KIAA0513: variants seen among roughly 807,000 people sequenced by gnomAD.
The protein encoded by KIAA0513 is uncharacterized protein KIAA0513.
In KIAA0513, 39 loss-of-function variants were observed where a neutral mutation model predicts 56.5. The observed-to-expected ratio is 0.69, with a 90% CI of 0.53 to 0.90. The LOEUF is 0.90. Among genes scored for constraint, KIAA0513 ranks in the 40% least tolerant of loss-of-function variants. The probability of loss-of-function intolerance (pLI) is 0.00; values close to 1 mark genes in which losing one functional copy is unlikely to be tolerated. For missense variants in KIAA0513, 591 were observed against 535.2 expected, an observed-to-expected ratio of 1.10 and a Z score of -1.03; for synonymous variants, 268 against 215.6, an observed-to-expected ratio of 1.24 and a Z score of -2.13.
intron 3 of KIAA0513, 46 bp downstream of exon 3, chr16:85,071,928 G>A (rs1013083149): frequency 8.0e-7 from 1 of 1,247,786 alleles, no homozygotes; most frequent in Non-Finnish European, 1.2e-6. Flanking sequence ...TCTCAAGGAA[G>A]AATCTAGTGA....
At chr16:85,064,741 A>G (rs1305937999) in intron 1 of KIAA0513, among the ~76,000 whole-genome samples, 1 of 152,092 alleles carries the variant, frequency 6.6e-6, no homozygotes, top group Non-Finnish European at 1.5e-5. Context: ...GCTGGAGTGC[A>G]ATGGCACCAT....
chr16:85,047,540 C>T (rs998948546), intron 1 of KIAA0513, among the ~76,000 whole-genome samples: 6 of 152,314 alleles, frequency 3.9e-5, no homozygotes, highest in East Asian at 1.9e-4. Context: ...TTTGGACCAC[C>T]GTTCCTCCAG....
chr16:85,087,209 G>C (rs79036243), intron 12 of KIAA0513, 43 bp downstream of exon 12: 24,610 of 1,520,448 alleles, frequency 0.016, 386 homozygotes, highest in East Asian at 0.055. Context: ...GGCAGGGCTG[G>C]GGTCAGGAGC....
intron 1 of KIAA0513, among the ~76,000 whole-genome samples, chr16:85,043,001 A>G (rs538877195): frequency 1.1e-4 from 16 of 152,370 alleles, no homozygotes; most frequent in Admixed American, 3.3e-4. Flanking sequence ...GGTGGAATAA[A>G]CATCTTTATT....
rs1241775989 is a variant in KIAA0513, at chr16:85,081,701, G to C, written c.980+309G>C. Among the ~76,000 whole-genome samples, 1 of 152,166 alleles carries C rather than the reference G, an allele frequency of 6.6e-6. No homozygotes were observed. The highest frequency in any genetic ancestry group is 1.5e-5 in the Non-Finnish European group (1 of 68,024). On this transcript the variant is annotated intron_variant, in intron 9 of 12. Transcript: ENST00000683363. The surrounding 1 kb of genome is among the most constrained non-coding windows in gnomAD (Gnocchi z 4.4). ...TGCTGGGCCCACCCTGCTGTTTGCT[G>C]GACAAAATCAGCATCCTGAGGATGA...
At position 85,072,002 on chromosome 16, in the gene KIAA0513, C is replaced by A. The variant is rs962998940; in HGVS notation, c.429+120C>A. The A allele has an allele frequency of 7.9e-5, 55 of 696,240 alleles. No individual in the cohort carries two copies. The Middle Eastern group carries it at 3.4e-3, about 43-fold the overall frequency. 43.1% of individuals were successfully genotyped at this position (696,240 alleles called of 1,614,324 possible). Reference sequence around the variant, plus strand: ...GGAGAAAAGAGTCAAGGGAAAGGACCCAACAGTAAAAAAAGTAAAACTTAT... The same window carrying A: ...GGAGAAAAGAGTCAAGGGAAAGGACACAACAGTAAAAAAAGTAAAACTTAT... On this transcript the variant is annotated intron_variant, in intron 3 of 12. Transcript: ENST00000683363.
intron 1 of KIAA0513, among the ~76,000 whole-genome samples, chr16:85,038,459 A>C (rs1345711652): frequency 6.6e-6 from 1 of 151,984 alleles, no homozygotes; most frequent in Non-Finnish European, 1.5e-5. Flanking sequence ...GTAATCCCAG[A>C]AGTTTGGGAG....
chr16:85,061,156 C>CA lies in KIAA0513; in HGVS notation c.-172-5730dup, dbSNP rs71386073. 6.3e-3 allele frequency among the ~76,000 whole-genome samples: 685 copies of CA among 109,056 alleles called. 1 individual carries two copies. Among genetic ancestry groups the CA allele is most frequent in the African/African-American group, 0.013 (375 of 29,094 alleles). The allele number at this position is 109,056 out of a possible 152,430, so 71.5% of individuals were successfully genotyped here. ...TGGGCGACAGAGTGAGTCTCCGTCT[C>CA]AAAAAAAAAAAAAAGAAAGAAAAGT... On this transcript the variant is annotated intron_variant, in intron 1 of 12. Transcript: ENST00000683363.
intron 1 of KIAA0513, among the ~76,000 whole-genome samples, chr16:85,032,530 G>A (rs935506417): frequency 6.6e-5 from 10 of 151,864 alleles, no homozygotes; most frequent in Non-Finnish European, 1.3e-4. Flanking sequence ...ATGGGGTTTC[G>A]CCATGTTGGC....
At chr16:85,048,872 A>G (rs757397714) in intron 1 of KIAA0513, among the ~76,000 whole-genome samples, 2 of 152,146 alleles carry the variant, frequency 1.3e-5, no homozygotes, top group Non-Finnish European at 2.9e-5. Flanking sequence ...CAATCTTCCG[A>G]TTTCTCCACA....
chr16:85,058,757 C>T (rs2073364592), intron 1 of KIAA0513, among the ~76,000 whole-genome samples: 1 of 152,118 alleles, frequency 6.6e-6, no homozygotes, highest in African/African-American at 2.4e-5. Context: ...TGTTAGAGAC[C>T]TTGTCATCAC....
At position 85,089,821 on chromosome 16, in the gene KIAA0513, C is replaced by T. The variant is rs1422428516; in HGVS notation, c.*1496C>T. 1 of 152,144 alleles carries T rather than the reference C, an allele frequency of 6.6e-6. No individual in the cohort carries two copies. Among genetic ancestry groups the T allele is most frequent in the African/African-American group, 2.4e-5 (1 of 41,422 alleles). The allele number at this position is 152,144 out of a possible 1,614,324, so 9.4% of individuals were successfully genotyped here. A position where few individuals can be genotyped will look rare whatever the true frequency, so the allele number is the denominator to read the frequency against. Reference sequence around the variant, plus strand: ...TGGAATGTTCCAGAGACGGAACATTCTCTAGAGACAACAGTCTGTGCTGCA... The same window carrying T: ...TGGAATGTTCCAGAGACGGAACATTTTCTAGAGACAACAGTCTGTGCTGCA... On this transcript the variant is annotated 3_prime_UTR_variant, in exon 13 of 13. Coordinates refer to ENST00000683363, the MANE Select transcript of KIAA0513 (RefSeq NM_001388359.1). This position sits in a 1 kb window ranked among gnomAD's most constrained non-coding sequence, Gnocchi z 4.2.
intron 8 of KIAA0513, among the ~76,000 whole-genome samples, chr16:85,080,369 G>A (rs925652319): frequency 2.0e-5 from 3 of 152,198 alleles, no homozygotes; most frequent in African/African-American, 4.8e-5. Context: ...CTGTTGTAGC[G>A]TGAACACCAC....
chr16:85,060,290 A>C (rs2073385625), intron 1 of KIAA0513, among the ~76,000 whole-genome samples: 1 of 152,092 alleles, frequency 6.6e-6, no homozygotes, highest in Admixed American at 6.5e-5. Context: ...TGGAGCTGAG[A>C]CTCAAGGACG....
chr16:85,067,141 C>A lies in KIAA0513; in HGVS notation c.70C>A (p.Leu24Met). ...GCCTGAGGCACCCACCTCTTCTCCC[C>A]TGGAGGCACCACCCCCTGTGCTGCA... ...FGPEAPTSSP[L>M]EAPPPVLQDG... The change falls in exon 2 of 13, where the codon CTG (leucine) becomes ATG (methionine). Residue 24 changes from leucine to methionine, a missense_variant. Leu to Met is a conservative substitution (Grantham distance 15). Transcript: ENST00000683363. The A allele has an allele frequency of 1.2e-6, 2 of 1,613,896 alleles. No individual in the cohort carries two copies. The highest frequency in any genetic ancestry group is 1.7e-6 in the Non-Finnish European group (2 of 1,179,874).
chr16:85,077,810 C>T (rs117831851), intron 6 of KIAA0513, among the ~76,000 whole-genome samples, 178 bp downstream of exon 6: 2 of 152,164 alleles, frequency 1.3e-5, no homozygotes, highest in African/African-American at 2.4e-5. Context: ...AAGCCCCCCC[C>T]ACTGACATGC....
intron 1 of KIAA0513, among the ~76,000 whole-genome samples, chr16:85,030,121 C>T (rs779325140): frequency 2.6e-5 from 4 of 152,222 alleles, no homozygotes; most frequent in Non-Finnish European, 5.9e-5. Flanking sequence ...GAGTCTGCCG[C>T]AGCACCCCTG....
At chr16:85,073,109 G>A (rs1361518400) in intron 4 of KIAA0513, 111 bp downstream of exon 4, 3 of 900,472 alleles carry the variant, frequency 3.3e-6, no homozygotes, top group East Asian at 4.8e-5. Context: ...ATCCACACTA[G>A]TCATCAGGTT....
chr16:85,089,501 G>A lies in KIAA0513; in HGVS notation c.*1176G>A. 6.6e-6 allele frequency: 1 copy of A among 152,666 alleles called. No homozygotes were observed. Among genetic ancestry groups the A allele is most frequent in the Non-Finnish European group, 1.5e-5 (1 of 68,318 alleles). The allele number at this position is 152,666 out of a possible 1,614,324, so 9.5% of individuals were successfully genotyped here. A position where few individuals can be genotyped will look rare whatever the true frequency, so the allele number is the denominator to read the frequency against. ...ACTCCAGGCCAGCCCATGGGCCCGG[G>A]GCCTGACCCCAACACCTGCATGCTG... On this transcript the variant is annotated 3_prime_UTR_variant, in exon 13 of 13. Coordinates refer to ENST00000683363, the MANE Select transcript of KIAA0513 (RefSeq NM_001388359.1). The surrounding 1 kb of genome is among the most constrained non-coding windows in gnomAD (Gnocchi z 4.2).
Sources: allele counts gnomAD v4.1 joint callset (sites outside exome capture counted in the v4.1 genomes callset), GRCh38; gene constraint gnomAD v4.1.1; non-coding constraint Gnocchi (gnomAD v3.1); transcripts MANE v1.5; gene names NCBI Gene and HGNC (gene_info 2026-07-23, HGNC 2026-07-21).